The following FASTKD1 variants were observed in gnomAD, a reference collection of about 807,000 sequenced individuals.
FASTKD1 encodes the protein FAST kinase domains 1.
In FASTKD1, 94 loss-of-function variants were observed where a neutral mutation model predicts 90.9. The observed-to-expected ratio is 1.03, with a 90% confidence interval of 0.88 to 1.23. The LOEUF is 1.23. Ranked by LOEUF, FASTKD1 falls within the 50% of genes most tolerant of loss-of-function variation. The pLI is 0.00. For missense variants in FASTKD1, 945 were observed against 993.5 expected (o/e 0.95, Z 0.66); for synonymous variants, 319 against 345.8 (o/e 0.92, Z 0.86).
chr2:169,565,294 G>A (rs193003731), intron 3 of FASTKD1, among the ~76,000 whole-genome samples: 163 of 75,990 alleles, frequency 2.1e-3, no homozygotes, highest in African/African-American at 8.0e-3. Context: ...AGGGAGTCTC[G>A]CTCTGTCACC....
At chr2:169,545,069 C>T (rs1377028328) in intron 8 of FASTKD1, among the ~76,000 whole-genome samples, 1 of 152,078 alleles carries the variant, frequency 6.6e-6, no homozygotes, top group Non-Finnish European at 1.5e-5. Context: ...AGATAATTTA[C>T]AAATTTATTT....
chr2:169,567,442 T>A (rs1009325706), intron 3 of FASTKD1, among the ~76,000 whole-genome samples: 1 of 152,200 alleles, frequency 6.6e-6, no homozygotes, highest in Non-Finnish European at 1.5e-5. Flanking sequence ...CTGCTTACCC[T>A]CAATATACTT....
intron 13 of FASTKD1, 89 bp downstream of exon 13, chr2:169,531,263 A>G: frequency 6.7e-6 from 9 of 1,343,656 alleles, no homozygotes; most frequent in Non-Finnish European, 9.6e-6. Context: ...AGATTCCACT[A>G]CCTTCAATCC....
Position 169,539,638 on chromosome 2 carries a change from G to A in FASTKD1, c.1945+413C>T, listed in dbSNP as rs143233219. ...AAATTAGCTGGGCATGGTGACACAC[G>A]CCTGTGGTCCCAGCTACTTGGAAGG... is the stretch of plus-strand genomic sequence containing the variant. On this transcript the variant is annotated intron_variant, in intron 10 of 14. Coordinates refer to ENST00000453153, the MANE Select transcript of FASTKD1 (RefSeq NM_024622.6). Among the ~76,000 whole-genome samples, 1,298 of 151,852 alleles carry A rather than the reference G, an allele frequency of 8.5e-3. 19 individuals carry two copies. Among genetic ancestry groups the A allele is most frequent in the African/African-American group, 0.03 (1,239 of 41,404 alleles).
In FASTKD1 at chr2:169,557,247, G is replaced by A. The variant is rs1295687403; in HGVS notation, c.1022C>T (p.Ala341Val). The change falls in exon 6 of 15, where the codon GCC becomes GTC. Residue 341 changes from alanine to valine, a missense_variant. Coordinates refer to ENST00000453153, the MANE Select transcript of FASTKD1 (RefSeq NM_024622.6). ...TCCCATTGCTCCCAACACTGCCAGG[G>A]CTTGCTCGCCAGTTAGGTCCTCTGA... is the stretch of plus-strand genomic sequence containing the variant. ...LMSEDLTGEQ[A>V]LAVLGAMGDM... is the part of the protein sequence containing the mutation. The A allele has an allele frequency of 6.2e-7, 1 of 1,612,416 alleles. No individual in the cohort carries two copies. The highest frequency in any genetic ancestry group is 8.5e-7 in the Non-Finnish European group (1 of 1,179,234).
In FASTKD1 at chr2:169,555,226, T is replaced by C; in HGVS notation, c.1112A>G (p.Asp371Gly). ...RVTSVLHKHL[D>G]GYKPLELLKI... ...CAACAACTCTAATGGTTTATAGCCATCCAAATGTTTATGCAGAACTGAAGT... is the reference window on the plus strand; with the variant it reads ...CAACAACTCTAATGGTTTATAGCCACCCAAATGTTTATGCAGAACTGAAGT... Residue 371 changes from aspartate to glycine, a missense_variant, in exon 7 of 15, where the codon GAT (aspartate) becomes GGT (glycine). Physicochemically the swap from Asp to Gly is moderately conservative, Grantham distance 94 (BLOSUM62 -1). Coordinates refer to ENST00000453153, the MANE Select transcript of FASTKD1 (RefSeq NM_024622.6). The C allele has an allele frequency of 6.2e-7, 1 of 1,610,906 alleles. No individual in the cohort carries two copies. Among genetic ancestry groups the C allele is most frequent in the Non-Finnish European group, 8.5e-7 (1 of 1,178,456 alleles).
rs886089001 is a variant in FASTKD1, at chr2:169,560,319, G to A, written c.971+68C>T. The A allele has an allele frequency of 4.7e-6, 6 of 1,280,616 alleles. No individual in the cohort carries two copies. In the African/African-American group the frequency reaches 9.1e-5, roughly 19 times the overall value. 79.3% of individuals were successfully genotyped at this position (1,280,616 alleles called of 1,614,324 possible). On this transcript the variant is annotated intron_variant, in intron 5 of 14. Coordinates refer to ENST00000453153, the MANE Select transcript of FASTKD1 (RefSeq NM_024622.6). Reference sequence around the variant, plus strand: ...ATATTTGTACCTTCCAGAGCTGCAAGGAGACCTAAGCTTGAAGGCTCCACG... The same window carrying A: ...ATATTTGTACCTTCCAGAGCTGCAAAGAGACCTAAGCTTGAAGGCTCCACG...
At position 169,569,154 on chromosome 2, in the gene FASTKD1, T is replaced by C. The variant is rs761314927; in HGVS notation, c.446+30A>G. The C allele has an allele frequency of 1.1e-5, 18 of 1,589,238 alleles. No homozygotes were observed. The Admixed American group carries it at 2.8e-4, about 25-fold the overall frequency. The stretch of plus-strand genomic sequence containing the variant: ...CTGTTAACCCTGAAAAGAATAACCC[T>C]GATCTTCAAGATGAACCCAGGGTAC... On this transcript the variant is annotated intron_variant, in intron 3 of 14. Transcript: ENST00000453153.
intron 7 of FASTKD1, among the ~76,000 whole-genome samples, chr2:169,547,160 T>C (rs1189230782): frequency 6.6e-6 from 1 of 152,200 alleles, no homozygotes; most frequent in African/African-American, 2.4e-5. Flanking sequence ...CAGTTGTTTA[T>C]GTTTACAGGT....
chr2:169,560,670 C>A lies in FASTKD1; in HGVS notation c.688G>T (p.Val230Phe). The A allele has an allele frequency of 6.2e-7, 1 of 1,612,836 alleles. No homozygotes were observed. The change falls in exon 5 of 15, where the codon GTT becomes TTT. Residue 230 changes from valine (V) to phenylalanine (F), a missense_variant. Transcript: ENST00000453153. ...AGAAACTTTGCTATGCTTTTTGCAACGTTGACCTCAGAAGAATCTATGGTG... is the reference window on the plus strand; with the variant it reads ...AGAAACTTTGCTATGCTTTTTGCAAAGTTGACCTCAGAAGAATCTATGGTG... ...FDTIDSSEVN[V>F]AKSIAKFLRN...
Position 169,531,394 on chromosome 2 carries a change from T to C in FASTKD1, c.2285A>G (p.Asn762Ser), listed in dbSNP as rs777926317. 3.7e-6 allele frequency: 6 copies of C among 1,613,314 alleles called. No individual in the cohort carries two copies. The highest frequency in any genetic ancestry group is 5.1e-6 in the Non-Finnish European group (6 of 1,179,898). ...GQLPEMPWES[N>S]IEIVGSRLPP... is the part of the protein sequence containing the mutation. ...CAGCCTTGATCCAACTATTTCGATA[T>C]TTGATTCCCAGGGCATTTCTGGTAG... The change falls in exon 13 of 15, where the codon AAT becomes AGT. Residue 762 changes from asparagine to serine, a missense_variant. By Grantham distance (46) the Asn-to-Ser change is conservative. Transcript: ENST00000453153.
chr2:169,555,628 A>T (rs998739653), intron 6 of FASTKD1, among the ~76,000 whole-genome samples: 1 of 152,234 alleles, frequency 6.6e-6, no homozygotes, highest in African/African-American at 2.4e-5. Flanking sequence ...TCTTCCGTAA[A>T]TCCACTGGCC....
chr2:169,562,024 A>T (rs1362435392), intron 4 of FASTKD1, among the ~76,000 whole-genome samples: 1 of 115,698 alleles, frequency 8.6e-6, no homozygotes, highest in Middle Eastern at 5.2e-3. Flanking sequence ...TTGTAAATTA[A>T]TTATTTATTA....
At chr2:169,544,857 T>C in intron 8 of FASTKD1, 22 bp from the exon 9 acceptor site, 2 of 1,390,512 alleles carry the variant, frequency 1.4e-6, no homozygotes, top group Non-Finnish European at 2.0e-6. Context: ...GAACAAAAAA[T>C]TTATAGTTTA....
At chr2:169,564,684 T>TA (rs1304581222) in intron 3 of FASTKD1, among the ~76,000 whole-genome samples, 12 of 152,084 alleles carry the variant, frequency 7.9e-5, no homozygotes, top group Admixed American at 6.6e-5. Flanking sequence ...TATTTTTTTT[T>TA]ACCCATTAAC....
chr2:169,558,733 G>A (rs541819445), intron 5 of FASTKD1, among the ~76,000 whole-genome samples: 2 of 150,930 alleles, frequency 1.3e-5, no homozygotes, highest in African/African-American at 2.4e-5. Flanking sequence ...TAACAGGCAT[G>A]AGCCACCACA....
At chr2:169,544,305 C>T (rs1015941242) in intron 9 of FASTKD1, among the ~76,000 whole-genome samples, 1 of 152,172 alleles carries the variant, frequency 6.6e-6, no homozygotes, top group Non-Finnish European at 1.5e-5. Flanking sequence ...CGCAGTGGCT[C>T]ACACCTGTAA....
chr2:169,538,055 T>A lies in FASTKD1; in HGVS notation c.2032A>T (p.Ile678Phe). 1 of 1,611,946 alleles carries A rather than the reference T, an allele frequency of 6.2e-7. No homozygotes were observed. Among genetic ancestry groups the A allele is most frequent in the Non-Finnish European group, 8.5e-7 (1 of 1,179,364 alleles). Residue 678 changes from isoleucine to phenylalanine, a missense_variant, in exon 11 of 15, where the codon ATT (isoleucine) becomes TTT (phenylalanine). Coordinates refer to ENST00000453153, the MANE Select transcript of FASTKD1 (RefSeq NM_024622.6). ...CAGAAGCGGTCATGAAACCATGGAA[T>A]CTGAAACTCAGGGCATTCCAAGCAG... ...SVCLECPEFQ[I>F]PWFHDRFCQQ...
In FASTKD1 at chr2:169,531,258, C is replaced by T. The variant is rs560150754; in HGVS notation, c.2327+94G>A. 9 of 1,297,438 alleles carry T rather than the reference C, an allele frequency of 6.9e-6. No individual in the cohort carries two copies. The African/African-American group carries it at 8.7e-5, about 13-fold the overall frequency. 80.4% of individuals were successfully genotyped at this position (1,297,438 alleles called of 1,614,324 possible). On this transcript the variant is annotated intron_variant, in intron 13 of 14. Transcript: ENST00000453153. ...ATGCATGACATATGAGGAACAGATT[C>T]CACTACCTTCAATCCTTGATCACTG...
Sources: gnomAD v4.1 joint callset for allele counts (sites outside exome capture counted in the v4.1 genomes callset) on GRCh38, gnomAD v4.1.1 for gene constraint, MANE v1.5 for transcripts, NCBI Gene and HGNC (gene_info 2026-07-23, HGNC 2026-07-21) for gene names.